Variants in RABL6 observed in about 807,000 individuals in gnomAD.
The protein encoded by RABL6 is RAB, member RAS oncogene family like 6.
Under a neutral mutation model 72.9 loss-of-function variants are expected in RABL6, and 28 were observed. That is an observed-to-expected ratio of 0.38 (90% CI 0.28 to 0.53). The LOEUF (loss-of-function observed/expected upper bound fraction) is 0.53, where lower values mean the gene tolerates loss of function less well. RABL6 is among the 20% of genes least tolerant of loss of function. RABL6 has a pLI of 0.80. For synonymous variants in RABL6, 477 were observed against 421.2 expected (o/e 1.13, Z -1.62); for missense variants, 1,029 against 1,008.4 (o/e 1.02, Z -0.28).
rs1252140046 is a variant in RABL6, at chr9:136,840,777, C to T, written c.*255C>T. ...CAGGCTCGGTGGACACCCTGGCCCT[C>T]TCGGGGCAGAGCCGCCAGTGTTTCT... On this transcript the variant is annotated 3_prime_UTR_variant, in exon 15 of 15. Coordinates refer to ENST00000311502, the MANE Select transcript of RABL6 (RefSeq NM_024718.5). The T allele has an allele frequency of 1.3e-6, 2 of 1,548,046 alleles. No homozygotes were observed. The highest frequency in any genetic ancestry group is 1.7e-6 in the Non-Finnish European group (2 of 1,146,834).
chr9:136,821,916 G>A (rs1848245747), intron 1 of RABL6: 1 of 1,285,690 alleles, frequency 7.8e-7, no homozygotes, highest in African/African-American at 1.5e-5. Context: ...GAGGGCGCCT[G>A]GGTCCCCTCT....
intron 1 of RABL6, among the ~76,000 whole-genome samples, chr9:136,818,866 CAGT>C (rs1848180735): frequency 6.6e-6 from 1 of 152,106 alleles, no homozygotes; most frequent in South Asian, 2.1e-4. Context: ...TGAAGCTGGA[CAGT>C]CAAGGCGTTC....
At position 136,840,667 on chromosome 9, in the gene RABL6, C is replaced by G; in HGVS notation, c.*145C>G. On this transcript the variant is annotated 3_prime_UTR_variant, in exon 15 of 15. Transcript: ENST00000311502. ...CTGGAAGAGGCCGGGCATTGGTGGT[C>G]CCCAGGCTGGGCCCTGCAGGTGCTG... is the stretch of plus-strand genomic sequence containing the variant. 1.3e-6 allele frequency: 2 copies of G among 1,549,298 alleles called. No homozygotes were observed. Among genetic ancestry groups the G allele is most frequent in the Non-Finnish European group, 1.7e-6 (2 of 1,146,840 alleles).
intron 7 of RABL6, among the ~76,000 whole-genome samples, chr9:136,834,657 T>C (rs1848551399): frequency 6.6e-6 from 1 of 152,146 alleles, no homozygotes; most frequent in South Asian, 2.1e-4. Flanking sequence ...TTTTGTATTT[T>C]TAGTAGGGAC....
At chr9:136,830,844 A>G (rs1267231655) in intron 5 of RABL6, 1 of 152,568 alleles carries the variant, frequency 6.6e-6, no homozygotes, top group Admixed American at 6.5e-5. Context: ...GGCGATGCCT[A>G]TGGTAGCAAT....
At chr9:136,828,310 G>A in intron 3 of RABL6, 184 bp from the exon 4 acceptor site, 2 of 617,008 alleles carry the variant, frequency 3.2e-6, no homozygotes, top group Non-Finnish European at 5.8e-6. Flanking sequence ...AGAGCCTACA[G>A]AGGGGCCTCG....
At chr9:136,831,601 G>T in intron 5 of RABL6, 120 bp from the exon 6 acceptor site, 1 of 1,421,460 alleles carries the variant, frequency 7.0e-7, no homozygotes, top group Non-Finnish European at 9.7e-7. Context: ...CTTCTGCTGG[G>T]TTGGATGTTG....
At chr9:136,809,389 T>C in intron 1 of RABL6, 1 of 253,982 alleles carries the variant, frequency 3.9e-6, no homozygotes, top group Non-Finnish European at 8.5e-6. Flanking sequence ...AAGAGGAAGC[T>C]GCAGACCACT....
rs1478087388 is a variant in RABL6, at chr9:136,808,230, G to T, written c.34G>T (p.Asp12Tyr). The change falls in exon 1 of 15, where the codon GAC becomes TAC. Residue 12 changes from aspartate to tyrosine, a missense_variant. Physicochemically the swap from Asp to Tyr is radical, Grantham distance 160. Coordinates refer to ENST00000311502, the MANE Select transcript of RABL6 (RefSeq NM_024718.5). ...FSALKKLVGSDQAPGRDKNIP... is the reference protein window; with the variant it reads ...FSALKKLVGSYQAPGRDKNIP... ...CGCCCTGAAGAAGCTGGTGGGGTCG[G>T]ACCAGGCCCCGGGCCGGGACAAGAA... The T allele has an allele frequency of 2.6e-6, 4 of 1,560,814 alleles. No homozygotes were observed. The highest frequency in any genetic ancestry group is 3.5e-6 in the Non-Finnish European group (4 of 1,155,462).
intron 1 of RABL6, chr9:136,813,082 C>A: frequency 2.6e-6 from 1 of 387,686 alleles, no homozygotes; most frequent in South Asian, 2.3e-5. Context: ...GGTGACTACC[C>A]TTGCCCAACA....
Position 136,839,255 on chromosome 9 carries a change from G to T in RABL6, c.1527G>T (p.Gly509=), listed in dbSNP as rs371810921. 2.5e-6 allele frequency: 4 copies of T among 1,605,330 alleles called. No homozygotes were observed. The highest frequency in any genetic ancestry group is 3.4e-6 in the Non-Finnish European group (4 of 1,176,492). ...SSIPASKPRR[G]TAPTRTAAPP... is the part of the protein sequence containing the mutation. ...TACCAGCTTCGAAGCCACGGAGGGG[G>T]ACAGCTCCCACGAGGACCGCAGCAC... is the stretch of plus-strand genomic sequence containing the variant. The change falls in exon 12 of 15, where the codon GGG becomes GGT. Residue 509 remains glycine, a synonymous_variant. Coordinates refer to ENST00000311502, the MANE Select transcript of RABL6 (RefSeq NM_024718.5).
At chr9:136,814,435 C>T in intron 1 of RABL6, 1 of 153,582 alleles carries the variant, frequency 6.5e-6, no homozygotes, top group Non-Finnish European at 1.4e-5. Flanking sequence ...CCACCTCAGC[C>T]TCCCAAAGTG....
chr9:136,823,417 G>A (rs768779181), intron 1 of RABL6, 108 bp from the exon 2 acceptor site: 174 of 1,426,420 alleles, frequency 1.2e-4, no homozygotes, highest in Non-Finnish European at 1.6e-4. Context: ...TAGCAAGAAA[G>A]ATGAAACAGG....
intron 1 of RABL6, among the ~76,000 whole-genome samples, chr9:136,819,190 C>T (rs1005829228): frequency 3.3e-5 from 5 of 151,770 alleles, no homozygotes; most frequent in East Asian, 1.9e-4. Context: ...GGCGTGGTGG[C>T]GGGCGCCTGT....
intron 7 of RABL6, among the ~76,000 whole-genome samples, chr9:136,834,702 C>G (rs1196675905): frequency 6.6e-6 from 1 of 152,108 alleles, no homozygotes; most frequent in African/African-American, 2.4e-5. Context: ...CGGTCTCGAT[C>G]TCTTGACCTC....
chr9:136,813,998 T>C, intron 1 of RABL6: 1 of 405,954 alleles, frequency 2.5e-6, no homozygotes. Context: ...TCTTGCTCTT[T>C]CTTACTGTCT....
chr9:136,834,490 C>CT (rs889284131), intron 7 of RABL6: 203 of 972,440 alleles, frequency 2.1e-4, no homozygotes, highest in East Asian at 1.0e-3. Flanking sequence ...TTAATACACT[C>CT]TTTTTTTTGG....
rs770626943 is a variant in RABL6, at chr9:136,840,204, G to A, written c.1981G>A (p.Gly661Ser). 3 of 1,612,740 alleles carry A rather than the reference G, an allele frequency of 1.9e-6. No individual in the cohort carries two copies. The highest frequency in any genetic ancestry group is 1.6e-4 in the Middle Eastern group (1 of 6,084). ...SKEKKKKKKK[G>S]KEEEEKAAKK... ...GGAGAAGAAGAAGAAGAAGAAAAAA[G>A]GCAAAGAGGTACTGGCTACTCCCCT... Residue 661 changes from glycine (G) to serine (S), a missense_variant, in exon 14 of 15, where the codon GGC becomes AGC. Transcript: ENST00000311502.
At position 136,839,351 on chromosome 9, in the gene RABL6, G is replaced by C. The variant is rs1848644573; in HGVS notation, c.1623G>C (p.Glu541Asp). The C allele has an allele frequency of 6.2e-7, 1 of 1,612,636 alleles. No homozygotes were observed. The highest frequency in any genetic ancestry group is 8.5e-7 in the Non-Finnish European group (1 of 1,179,816). Residue 541 changes from glutamate to aspartate, a missense_variant, in exon 12 of 15, where the codon GAG becomes GAC. By Grantham distance (45) the Glu-to-Asp change is conservative. Around this residue, in one of 2 missense-constraint regions of RABL6, gnomAD observed 595 missense variants for 472.4 expected, o/e 1.26. Transcript: ENST00000311502. ...EKRSSTRPPA[E>D]MEPGKGEQAS... Reference sequence around the variant, plus strand: ...GCAGCAGCACCAGGCCCCCTGCTGAGATGGAGCCGGGGAAGGGTGAGCAGG... The same window carrying C: ...GCAGCAGCACCAGGCCCCCTGCTGACATGGAGCCGGGGAAGGGTGAGCAGG...
Sources: gnomAD v4.1 joint callset for allele counts (sites outside exome capture counted in the v4.1 genomes callset) on GRCh38, gnomAD v4.1.1 for gene constraint, gnomAD v4.1.1 regional missense constraint, MANE v1.5 for transcripts, NCBI Gene and HGNC (gene_info 2026-07-23, HGNC 2026-07-21) for gene names.